DOCK4: variants seen among roughly 807,000 people sequenced by gnomAD.
DOCK4 encodes the protein dedicator of cytokinesis 4.
In DOCK4, 97 loss-of-function variants were observed where a neutral mutation model predicts 268.1. The ratio of observed to expected loss-of-function variants is 0.36; its 90% CI spans 0.31 to 0.43. The LOEUF is 0.43. Ranked by LOEUF, DOCK4 falls within the 20% of genes least tolerant of loss-of-function variation. DOCK4 has a pLI of 1.00. For missense variants in DOCK4, 2,145 were observed against 2,455.7 expected (o/e 0.87, Z 2.67); for synonymous variants, 954 against 887.2 (o/e 1.08, Z -1.34).
intron 30 of DOCK4, among the ~76,000 whole-genome samples, chr7:111,791,095 TATATAA>T (rs1174628962): frequency 2.8e-5 from 4 of 140,846 alleles, no homozygotes; most frequent in African/African-American, 1.1e-4. Context: ...TATATATATA[TATATAA>T]AATAAATCAT....
chr7:112,112,948 T>C (rs1586846962), intron 1 of DOCK4, among the ~76,000 whole-genome samples: 2 of 152,322 alleles, frequency 1.3e-5, no homozygotes, highest in Middle Eastern at 3.4e-3. Flanking sequence ...TGACAGGCTG[T>C]TGTTGTGAAA....
chr7:112,012,979 A>T (rs1051448785), intron 1 of DOCK4, among the ~76,000 whole-genome samples: 1 of 152,166 alleles, frequency 6.6e-6, no homozygotes, highest in Non-Finnish European at 1.5e-5. Context: ...CAGTATCATG[A>T]AAGTCACGAA....
chr7:112,119,759 A>G (rs1270697703), intron 1 of DOCK4, among the ~76,000 whole-genome samples: 2 of 151,856 alleles, frequency 1.3e-5, no homozygotes, highest in African/African-American at 4.8e-5. Flanking sequence ...TAATAATGGA[A>G]CCCATCTCAT....
chr7:111,867,940 C>T (rs1806108433), intron 22 of DOCK4, 44 bp downstream of exon 22: 2 of 1,456,890 alleles, frequency 1.4e-6, no homozygotes, highest in East Asian at 2.5e-5. Flanking sequence ...AAATAAACTG[C>T]ACTTATCGTT....
At chr7:112,188,411 T>G (rs886148387) in intron 1 of DOCK4, among the ~76,000 whole-genome samples, 1 of 152,272 alleles carries the variant, frequency 6.6e-6, no homozygotes, top group African/African-American at 2.4e-5. Context: ...ATGCTTTGCC[T>G]GAGTTCATAC....
intron 1 of DOCK4, among the ~76,000 whole-genome samples, chr7:112,140,874 G>C (rs1814855597): frequency 6.6e-6 from 1 of 152,122 alleles, no homozygotes; most frequent in Admixed American, 6.5e-5. Flanking sequence ...GATGTTTTCA[G>C]AACCTGCATT....
Position 111,887,220 on chromosome 7 carries a change from A to G in DOCK4, c.1587+8392T>C, listed in dbSNP as rs115663843. Among the ~76,000 whole-genome samples the G allele has an allele frequency of 3.6e-3, 543 of 152,314 alleles. 6 individuals are homozygous for G. The highest frequency in any genetic ancestry group is 0.012 in the African/African-American group (519 of 41,568). On this transcript the variant is annotated intron_variant, in intron 16 of 52. Transcript: ENST00000428084. ...AGGTTTCTCTTCATGGCAGGAGTGG[A>G]TGGAGACAAGACAAAATGCTCAGTT...
chr7:112,168,434 G>A (rs1364443478), intron 1 of DOCK4, among the ~76,000 whole-genome samples: 1 of 152,132 alleles, frequency 6.6e-6, no homozygotes, highest in East Asian at 1.9e-4. Flanking sequence ...CACAGTTAAC[G>A]AGCCAGGCAC....
At chr7:112,029,224 G>A (rs1264627155) in intron 1 of DOCK4, among the ~76,000 whole-genome samples, 2 of 152,154 alleles carry the variant, frequency 1.3e-5, no homozygotes, top group Non-Finnish European at 2.9e-5. Flanking sequence ...CAGAAAGGCT[G>A]GATGGCCACT....
intron 1 of DOCK4, among the ~76,000 whole-genome samples, chr7:112,079,589 G>C (rs1174790147): frequency 6.6e-6 from 1 of 152,176 alleles, no homozygotes; most frequent in Non-Finnish European, 1.5e-5. Flanking sequence ...AGGGTCTAGA[G>C]ACCCTGTACT....
chr7:112,033,099 A>G (rs1803428186), intron 1 of DOCK4, among the ~76,000 whole-genome samples: 1 of 152,170 alleles, frequency 6.6e-6, no homozygotes, highest in South Asian at 2.1e-4. Flanking sequence ...AAAATTTCCA[A>G]TTTTTATACT....
intron 13 of DOCK4, among the ~76,000 whole-genome samples, chr7:111,904,411 A>T (rs1000428986): frequency 1.4e-5 from 2 of 145,024 alleles, no homozygotes; most frequent in African/African-American, 5.7e-5. Context: ...GATAAAAGTG[A>T]GAAGGAGGAT....
At chr7:112,109,203 GTGC>G (rs1811405771) in intron 1 of DOCK4, among the ~76,000 whole-genome samples, 1 of 152,170 alleles carries the variant, frequency 6.6e-6, no homozygotes, top group Non-Finnish European at 1.5e-5. Context: ...AGCATGCTGG[GTGC>G]TCATGAGTAC....
At chr7:112,049,350 G>A (rs1805142757) in intron 1 of DOCK4, among the ~76,000 whole-genome samples, 1 of 152,226 alleles carries the variant, frequency 6.6e-6, no homozygotes, top group South Asian at 2.1e-4. Flanking sequence ...AGTTAAAGAT[G>A]TATGTTAAAA....
At chr7:112,026,065 A>G (rs987378545) in intron 1 of DOCK4, among the ~76,000 whole-genome samples, 10 of 152,260 alleles carry the variant, frequency 6.6e-5, no homozygotes, top group Non-Finnish European at 1.3e-4. Context: ...TAACACTAGT[A>G]TATTATCAAA....
intron 4 of DOCK4, among the ~76,000 whole-genome samples, chr7:111,994,549 C>G (rs1413600230): frequency 6.6e-6 from 1 of 152,210 alleles, no homozygotes; most frequent in Non-Finnish European, 1.5e-5. Context: ...AAGCCTTCAT[C>G]TGTAACATGA....
intron 10 of DOCK4, among the ~76,000 whole-genome samples, chr7:111,943,306 G>A (rs1448995797): frequency 1.3e-5 from 2 of 152,206 alleles, no homozygotes; most frequent in Non-Finnish European, 2.9e-5. Flanking sequence ...GTACTACTGA[G>A]GCGGCTTCCT....
chr7:111,825,194 T>C (rs1209060741), intron 26 of DOCK4, among the ~76,000 whole-genome samples: 2 of 152,194 alleles, frequency 1.3e-5, no homozygotes, highest in Non-Finnish European at 2.9e-5. Context: ...ACATTTTTCT[T>C]ACTTCTAAAA....
At position 112,053,840 on chromosome 7, in the gene DOCK4, A is replaced by G. The variant is rs117426863; in HGVS notation, c.38-49709T>C. Among the ~76,000 whole-genome samples the G allele has an allele frequency of 5.7e-3, 870 of 152,258 alleles. 20 individuals carry two copies. Among genetic ancestry groups the G allele is most frequent in the South Asian group, 0.054 (260 of 4,818 alleles). ...ACCTTACCTAAGCACACAGGTGAGG[A>G]GTAGAGAGTGCAAAGTGGCAAATGA... On this transcript the variant is annotated intron_variant, in intron 1 of 52. Transcript: ENST00000428084.
Sources: allele counts gnomAD v4.1 joint callset (sites outside exome capture counted in the v4.1 genomes callset), GRCh38; gene constraint gnomAD v4.1.1; transcripts MANE v1.5; gene names NCBI Gene and HGNC (gene_info 2026-07-23, HGNC 2026-07-21).